CFI: variants seen among roughly 807,000 people sequenced by gnomAD.
CFI encodes C3B/C4B inactivator.
A neutral mutation model predicts 78.8 loss-of-function variants in CFI; 66 were observed. The observed-to-expected ratio is 0.84, with a 90% CI of 0.69 to 1.03. The LOEUF (loss-of-function observed/expected upper bound fraction) is 1.03. Among genes scored for constraint, CFI ranks in the 50% least tolerant of loss-of-function variants. The pLI is 0.00. For synonymous variants in CFI, 250 were observed against 232.6 expected, an observed-to-expected ratio of 1.07 and a Z score of -0.68; for missense variants, 706 against 704.5, an observed-to-expected ratio of 1.00 and a Z score of -0.02.
chr4:109,737,935 G>T (rs773886753), downstream of CFI, among the ~76,000 whole-genome samples: 1 of 152,018 alleles, frequency 6.6e-6, no homozygotes, highest in South Asian at 2.1e-4. Flanking sequence ...ACATAGAGTC[G>T]CTTCAGAGGG....
intron 7 of CFI, among the ~76,000 whole-genome samples, chr4:109,756,969 GAAAGAA>G (rs1158396864): frequency 4.5e-5 from 6 of 134,172 alleles, no homozygotes; most frequent in African/African-American, 1.6e-4. Context: ...AAGAAAGAAA[GAAAGAA>G]AGAAATTCTG....
downstream of CFI, among the ~76,000 whole-genome samples, chr4:109,737,672 T>G (rs1371688285): frequency 6.6e-6 from 1 of 152,234 alleles, no homozygotes; most frequent in Non-Finnish European, 1.5e-5. Flanking sequence ...CCCATGCTAG[T>G]GGCCATGGTA....
At chr4:109,777,419 C>T (rs4339213) in intron 1 of CFI, among the ~76,000 whole-genome samples, 48,614 of 152,010 alleles carry the variant, frequency 0.32, 7,998 homozygotes, top group Middle Eastern at 0.42. Context: ...ATCGATTCAA[C>T]AAGAAGAGCT....
At chr4:109,799,978 C>T (rs1460388772) in intron 1 of CFI, among the ~76,000 whole-genome samples, 1 of 152,140 alleles carries the variant, frequency 6.6e-6, no homozygotes, top group African/African-American at 2.4e-5. Context: ...TGCTATAAAC[C>T]TTTGACTGTT....
At chr4:109,757,857 T>C in intron 6 of CFI, 74 bp from the exon 7 acceptor site, 6 of 1,282,046 alleles carry the variant, frequency 4.7e-6, no homozygotes, top group Non-Finnish European at 6.5e-6. Context: ...CAATATACTA[T>C]ACATATATCA....
rs1341565272 is a variant in CFI, at chr4:109,756,955, AAGAAAGAAAGAAAGAAAGAAAG to A, written c.904+786_904+807del. On this transcript the variant is annotated intron_variant, in intron 7 of 12. Coordinates refer to ENST00000394634, the MANE Select transcript of CFI (RefSeq NM_000204.5). ...AAAGAAAGAAAGAAAGAAAGAAAGAAAGAAAGAAAGAAAGAAAGAAAGAAATTCTGAGGAGGATCATGAACTT... is the reference window on the plus strand; with the variant it reads ...AAAGAAAGAAAGAAAGAAAGAAAGAAAAATTCTGAGGAGGATCATGAACTT... Among the ~76,000 whole-genome samples the A allele has an allele frequency of 1.4e-4, 20 of 144,618 alleles. 1 individual carries two copies. The South Asian group carries it at 3.3e-3, about 24-fold the overall frequency. The allele number at this position is 144,618 out of a possible 152,430, so 94.9% of individuals were successfully genotyped here. A position where few individuals can be genotyped will look rare whatever the true frequency, so the allele number is the denominator to read the frequency against.
chr4:109,759,535 T>A (rs1726762100), intron 6 of CFI, among the ~76,000 whole-genome samples: 1 of 151,982 alleles, frequency 6.6e-6, no homozygotes. Context: ...ATGAATGGTT[T>A]TATATATATA....
rs190420174 is a variant in CFI, at chr4:109,749,491, G to A, written c.1044+8C>T. 185 of 1,605,672 alleles carry A rather than the reference G, an allele frequency of 1.2e-4. No individual in the cohort carries two copies. The Middle Eastern group carries it at 3.8e-3, about 33-fold the overall frequency. On this transcript the variant is annotated splice_region_variant and intron_variant, in intron 9 of 12. Coordinates refer to ENST00000394634, the MANE Select transcript of CFI (RefSeq NM_000204.5). ...GCAGTTGCATTGTGACTTTTCATGC[G>A]ACTTTACCAGTTGTGCTCGCTTTCC...
chr4:109,761,400 T>G, intron 4 of CFI, 117 bp downstream of exon 4: 3 of 1,027,856 alleles, frequency 2.9e-6, no homozygotes, highest in Non-Finnish European at 3.0e-6. Flanking sequence ...CTTGACAGAA[T>G]CTATATTATT....
intron 1 of CFI, among the ~76,000 whole-genome samples, chr4:109,773,218 G>C (rs1005351734): frequency 3.9e-5 from 6 of 152,138 alleles, no homozygotes; most frequent in African/African-American, 1.4e-4. Context: ...ACCCACAGTA[G>C]GCTTTGCATG....
intron 1 of CFI, among the ~76,000 whole-genome samples, chr4:109,791,888 G>A (rs1305563353): frequency 1.3e-5 from 2 of 152,102 alleles, no homozygotes; most frequent in Non-Finnish European, 2.9e-5. Context: ...TTATCTCCAA[G>A]TATTCACAAT....
intron 1 of CFI, among the ~76,000 whole-genome samples, chr4:109,796,341 A>G (rs1732056395): frequency 6.6e-6 from 1 of 152,214 alleles, no homozygotes; most frequent in South Asian, 2.1e-4. Flanking sequence ...ATAAATCAAA[A>G]CAGGAAATAC....
chr4:109,756,893 GAAA>G (rs1726252004), intron 7 of CFI, among the ~76,000 whole-genome samples: 1 of 13,758 alleles, frequency 7.3e-5, no homozygotes, highest in African/African-American at 2.5e-4. Context: ...AGAAAGGAAA[GAAA>G]GAAAGAAAGA....
chr4:109,744,910 C>T (rs555338349), intron 11 of CFI, among the ~76,000 whole-genome samples: 1 of 152,034 alleles, frequency 6.6e-6, no homozygotes, highest in East Asian at 1.9e-4. Flanking sequence ...TTTAAAAAAA[C>T]AGAACAAGTA....
rs200881135 is a variant in CFI, at chr4:109,749,295, A to C, written c.1071T>G (p.Ile357Met). ...QLGDLPWQVA[I>M]KDASGITCGG... Reference sequence around the variant, plus strand: ...CACAGGTGATTCCACTGGCATCCTTAATTGCCACCTGCCATGGGAGGTCTC... The same window carrying C: ...CACAGGTGATTCCACTGGCATCCTTCATTGCCACCTGCCATGGGAGGTCTC... Residue 357 changes from isoleucine to methionine, a missense_variant, in exon 10 of 13, where the codon ATT (isoleucine) becomes ATG (methionine). Coordinates refer to ENST00000394634, the MANE Select transcript of CFI (RefSeq NM_000204.5). The C allele has an allele frequency of 6.5e-5, 105 of 1,614,074 alleles. No homozygotes were observed. The highest frequency in any genetic ancestry group is 3.3e-4 in the Middle Eastern group (2 of 6,060).
intron 1 of CFI, among the ~76,000 whole-genome samples, chr4:109,767,190 C>A (rs1217224366): frequency 1.3e-5 from 2 of 151,812 alleles, no homozygotes; most frequent in Admixed American, 6.6e-5. Context: ...AGAAGAAAAC[C>A]TAGGCAATAC....
At chr4:109,737,113 G>A (rs140703829), downstream of CFI, among the ~76,000 whole-genome samples, 2 of 152,210 alleles carry the variant, frequency 1.3e-5, no homozygotes, top group Admixed American at 1.3e-4. Flanking sequence ...TACTCCAAGA[G>A]TGTCTTAACC....
intron 1 of CFI, among the ~76,000 whole-genome samples, chr4:109,785,131 A>G (rs1473991383): frequency 6.6e-6 from 1 of 152,062 alleles, no homozygotes; most frequent in Non-Finnish European, 1.5e-5. Context: ...AACCTATAAG[A>G]ACTAATGATA....
chr4:109,736,829 CTT>C (rs1723399418), downstream of CFI, among the ~76,000 whole-genome samples: 2 of 152,092 alleles, frequency 1.3e-5, no homozygotes, highest in Non-Finnish European at 2.9e-5. Flanking sequence ...TACTGTACAC[CTT>C]CACTGGGCTT....
Sources: allele counts gnomAD v4.1 joint callset (sites outside exome capture counted in the v4.1 genomes callset), GRCh38; gene constraint gnomAD v4.1.1; transcripts MANE v1.5; gene names NCBI Gene and HGNC (gene_info 2026-07-23, HGNC 2026-07-21).